COL6A3: variants seen among roughly 807,000 people sequenced by gnomAD.
COL6A3 encodes collagen type VI alpha 3 chain.
In COL6A3, 137 loss-of-function variants were observed where a neutral mutation model predicts 274.1. The ratio of observed to expected loss-of-function variants is 0.50; its 90% CI spans 0.44 to 0.58. COL6A3 has a LOEUF of 0.58. Among genes scored for constraint, COL6A3 ranks in the 20% least tolerant of loss-of-function variants. The pLI is 0.00. For synonymous variants in COL6A3, 1,650 were observed against 1,650.6 expected (o/e 1.00, Z 0.01); for missense variants, 3,950 against 4,124.9 (o/e 0.96, Z 1.16).
At chr2:237,363,593 C>T (rs997277203) in intron 13 of COL6A3, among the ~76,000 whole-genome samples, 195 bp from the exon 14 acceptor site, 21 of 152,282 alleles carry the variant, frequency 1.4e-4, no homozygotes, top group Admixed American at 9.2e-4. Flanking sequence ...TAATTGTTTC[C>T]GGTATGTCAA....
Position 237,361,040 on chromosome 2 carries a change from G to T in COL6A3, c.6210+81C>A. ...GAAAGCCATCAGCAACTGAACAAAT[G>T]ATGAAATCCACAATGCAATCCCAAT... On this transcript the variant is annotated intron_variant, in intron 16 of 43. Coordinates refer to ENST00000295550, the MANE Select transcript of COL6A3 (RefSeq NM_004369.4). The surrounding 1 kb of genome is among the most constrained non-coding windows in gnomAD (Gnocchi z 5.1). 1 of 1,179,188 alleles carries T rather than the reference G, an allele frequency of 8.5e-7. No homozygotes were observed. Among genetic ancestry groups the T allele is most frequent in the South Asian group, 1.2e-5 (1 of 82,036 alleles). The allele number at this position is 1,179,188 out of a possible 1,614,324, so 73.0% of individuals were successfully genotyped here.
intron 41 of COL6A3, among the ~76,000 whole-genome samples, chr2:237,334,356 G>C (rs561788331): frequency 5.9e-5 from 9 of 152,326 alleles, no homozygotes; most frequent in African/African-American, 2.2e-4. Flanking sequence ...GCTGTGCTCA[G>C]GCGACGTGGA....
intron 43 of COL6A3, among the ~76,000 whole-genome samples, chr2:237,325,338 T>C (rs1699883987): frequency 6.6e-6 from 1 of 152,190 alleles, no homozygotes; most frequent in African/African-American, 2.4e-5. Flanking sequence ...TTAGTAACAT[T>C]TCTGAAGAAT....
At chr2:237,358,714 C>A (rs2077371692) in intron 20 of COL6A3, 131 bp from the exon 21 acceptor site, 1 of 878,928 alleles carries the variant, frequency 1.1e-6, no homozygotes, top group Middle Eastern at 2.5e-4. Context: ...ACCATGAAGG[C>A]AAATTCACTT....
At chr2:237,331,232 C>A (rs1187640491) in intron 42 of COL6A3, among the ~76,000 whole-genome samples, 1 of 152,126 alleles carries the variant, frequency 6.6e-6, no homozygotes, top group East Asian at 1.9e-4. Flanking sequence ...CATGCAACTA[C>A]TGAGTAAGCA....
At chr2:237,348,010 A>G in intron 30 of COL6A3, 141 bp from the exon 31 acceptor site, 2 of 767,570 alleles carry the variant, frequency 2.6e-6, no homozygotes, top group South Asian at 1.5e-5. Context: ...TCACTTTTCC[A>G]GTGGGTTACT....
rs768242367 is a variant in COL6A3, at chr2:237,378,937, C to A, written c.2196G>T (p.Thr732=). The A allele has an allele frequency of 6.2e-7, 1 of 1,614,062 alleles. No homozygotes were observed. The highest frequency in any genetic ancestry group is 1.3e-5 in the African/African-American group (1 of 74,940). ...ALSYVYANHF[T]EAGGSRIREH... is the part of the protein sequence containing the mutation. ...CACGGATCCTGCTGCCGCCAGCTTC[C>A]GTGAAGTGGTTGGCATAGACATAGC... The change falls in exon 6 of 44, where the codon ACG becomes ACT. Residue 732 remains threonine (T), a synonymous_variant. Transcript: ENST00000295550.
At chr2:237,362,889 A>T (rs932686710) in intron 14 of COL6A3, among the ~76,000 whole-genome samples, 1 of 152,170 alleles carries the variant, frequency 6.6e-6, no homozygotes, top group African/African-American at 2.4e-5. Flanking sequence ...ATCATGCAAG[A>T]TTTCAGATGC....
intron 32 of COL6A3, 41 bp from the exon 33 acceptor site, chr2:237,345,254 G>A (rs774784113): frequency 6.2e-7 from 1 of 1,606,342 alleles, no homozygotes; most frequent in Admixed American, 1.7e-5. Context: ...CACAGCAGAT[G>A]GGGAATTCGA....
At chr2:237,358,990 G>T in intron 20 of COL6A3, 45 bp downstream of exon 20, 1 of 1,586,616 alleles carries the variant, frequency 6.3e-7, no homozygotes, top group Non-Finnish European at 8.7e-7. Flanking sequence ...TAAATGAAAT[G>T]TTGATATTCT....
intron 2 of COL6A3, among the ~76,000 whole-genome samples, chr2:237,395,480 T>G (rs962829680): frequency 6.6e-6 from 1 of 152,186 alleles, no homozygotes; most frequent in African/African-American, 2.4e-5. Flanking sequence ...GGAAACAATT[T>G]CCTGGGCTGT....
In COL6A3 at chr2:237,366,148, T is replaced by C. The variant is rs1292605181; in HGVS notation, c.5501-113A>G. ...AGAGGACCAGGGCATCGCACTCAAG[T>C]GCAAAATGAGATCCTGTGTGTGTGA... On this transcript the variant is annotated intron_variant, in intron 11 of 43. Coordinates refer to ENST00000295550, the MANE Select transcript of COL6A3 (RefSeq NM_004369.4). 1.5e-5 allele frequency: 13 copies of C among 880,030 alleles called. No homozygotes were observed. In the Admixed American group the frequency reaches 1.7e-4, roughly 12 times the overall value. The allele number at this position is 880,030 out of a possible 1,614,324, so 54.5% of individuals were successfully genotyped here. A position where few individuals can be genotyped will look rare whatever the true frequency, so the allele number is the denominator to read the frequency against.
In COL6A3 at chr2:237,354,946, A is replaced by G. The variant is rs758570095; in HGVS notation, c.6592-12T>C. 17 of 1,613,428 alleles carry G rather than the reference A, an allele frequency of 1.1e-5. No individual in the cohort carries two copies. The highest frequency in any genetic ancestry group is 9.3e-6 in the Non-Finnish European group (11 of 1,179,778). On this transcript the variant is annotated splice_polypyrimidine_tract_variant and intron_variant, in intron 23 of 43. Coordinates refer to ENST00000295550, the MANE Select transcript of COL6A3 (RefSeq NM_004369.4). The stretch of plus-strand genomic sequence containing the variant: ...CGGCCAAAGCCACCCTGTGGAAGAA[A>G]AAGTCCCACAAACTGTGAGGGGGAG...
In COL6A3 at chr2:237,340,878, T is replaced by C; in HGVS notation, c.8038A>G (p.Met2680Val). 1 of 1,613,806 alleles carries C rather than the reference T, an allele frequency of 6.2e-7. No homozygotes were observed. Among genetic ancestry groups the C allele is most frequent in the Non-Finnish European group, 8.5e-7 (1 of 1,179,712 alleles). ...GAGAATTCCACCTTCACAGGTGGCATGCTGGCATTGTCCACGGACTCAGAG... is the reference window on the plus strand; with the variant it reads ...GAGAATTCCACCTTCACAGGTGGCACGCTGGCATTGTCCACGGACTCAGAG... ...APSESVDNAS[M>V]PPVKVEFSLT... The change falls in exon 38 of 44, where the codon ATG (methionine) becomes GTG (valine). Residue 2680 changes from methionine (M) to valine (V), a missense_variant. Physicochemically the swap from Met to Val is conservative, Grantham distance 21. Around this residue, in one of 5 missense-constraint regions of COL6A3, gnomAD observed 1,284 missense variants for 1,349.7 expected, o/e 0.95. Transcript: ENST00000295550.
At chr2:237,339,247 A>G in intron 38 of COL6A3, 130 bp from the exon 39 acceptor site, 1 of 715,284 alleles carries the variant, frequency 1.4e-6, no homozygotes, top group Non-Finnish European at 2.4e-6. Context: ...AATTAACTAT[A>G]TCAGACAAAC....
rs2077066342 is a variant in COL6A3 at position 237,344,860 on chromosome 2, G to A, written c.7175-17C>T. On this transcript the variant is annotated splice_polypyrimidine_tract_variant and intron_variant, in intron 35 of 43. Coordinates refer to ENST00000295550, the MANE Select transcript of COL6A3 (RefSeq NM_004369.4). This position sits in a 1 kb window ranked among gnomAD's most constrained non-coding sequence, Gnocchi z 4.8. ...CCAGGGGCCCTGTGGAAAGTAGAGG[G>A]TGGAGGGTTAAAGACAAACTGTACT... 6.2e-7 allele frequency: 1 copy of A among 1,613,736 alleles called. No individual in the cohort carries two copies. The highest frequency in any genetic ancestry group is 8.5e-7 in the Non-Finnish European group (1 of 1,180,038).
chr2:237,357,629 C>T (rs891795379), intron 22 of COL6A3, among the ~76,000 whole-genome samples, 188 bp downstream of exon 22: 6 of 152,208 alleles, frequency 3.9e-5, no homozygotes, highest in Non-Finnish European at 2.9e-5. Context: ...GCTGAGAAGC[C>T]CCACTTGGCA....
rs764732184 is a variant in COL6A3 at position 237,363,215 on chromosome 2, T to G, written c.6063+38A>C. ...TTGAAATGCCAAAAGGTGTGGTATC[T>G]ACACTGGTCTGTGTATAAAGACATA... On this transcript the variant is annotated intron_variant, in intron 14 of 43. Coordinates refer to ENST00000295550, the MANE Select transcript of COL6A3 (RefSeq NM_004369.4). The G allele has an allele frequency of 3.4e-5, 55 of 1,609,666 alleles. No individual in the cohort carries two copies. In the Admixed American group the frequency reaches 6.2e-4, roughly 18 times the overall value.
chr2:237,396,322 C>G (rs2078440275), intron 2 of COL6A3, among the ~76,000 whole-genome samples: 1 of 152,172 alleles, frequency 6.6e-6, no homozygotes, highest in African/African-American at 2.4e-5. Flanking sequence ...AGAGGGTGAT[C>G]TTTGTATTTT....
Sources: allele counts gnomAD v4.1 joint callset (sites outside exome capture counted in the v4.1 genomes callset), GRCh38; gene constraint gnomAD v4.1.1; regional missense constraint gnomAD v4.1.1; non-coding constraint Gnocchi (gnomAD v3.1); transcripts MANE v1.5; gene names NCBI Gene and HGNC (gene_info 2026-07-23, HGNC 2026-07-21).